The following CPOX variants were observed in gnomAD, a reference collection of about 807,000 sequenced individuals.
CPOX encodes the protein oxygen-dependent coproporphyrinogen-III oxidase, mitochondrial.
A neutral mutation model predicts 48.9 loss-of-function variants in CPOX; 24 were observed. That is an observed-to-expected ratio of 0.49 (90% CI 0.36 to 0.69). The LOEUF is 0.69. Ranked by LOEUF, CPOX falls within the 30% of genes least tolerant of loss-of-function variation. The probability of loss-of-function intolerance (pLI) is 0.00; values close to 1 mark genes in which losing one functional copy is unlikely to be tolerated. For synonymous variants in CPOX, 249 were observed against 234.6 expected, an observed-to-expected ratio of 1.06 and a Z score of -0.56; for missense variants, 549 against 597.3, an observed-to-expected ratio of 0.92 and a Z score of 0.84.
Position 98,585,676 on chromosome 3 carries a change from C to T in CPOX, c.954-17G>A, listed in dbSNP as rs551789535. On this transcript the variant is annotated splice_polypyrimidine_tract_variant and intron_variant, in intron 4 of 6. Coordinates refer to ENST00000647941, the MANE Select transcript of CPOX (RefSeq NM_000097.7). ...TCATCACACCTGGAAAACACAGCGG[C>T]GCCAAACCAGGGATCAAATGGAAAA... 1.3e-5 allele frequency: 21 copies of T among 1,595,098 alleles called. No homozygotes were observed. Among genetic ancestry groups the T allele is most frequent in the Middle Eastern group, 3.3e-4 (2 of 6,030 alleles).
rs1350444742 is a variant in CPOX at position 98,585,613 on chromosome 3, T to C, written c.1000A>G (p.Ile334Val). The change falls in exon 5 of 7, where the codon ATT (isoleucine) becomes GTT (valine). Residue 334 changes from isoleucine (I) to valine (V), a missense_variant. Transcript: ENST00000647941. ...FIAHRGERRG[I>V]GGIFFDDLDS... ...AGATCATCAAAAAAGATACCACCAA[T>C]GCCCCGCCGTTCTCCACGATGGGCT... 5 of 1,613,832 alleles carry C rather than the reference T, an allele frequency of 3.1e-6. No individual in the cohort carries two copies. Among genetic ancestry groups the C allele is most frequent in the Admixed American group, 1.7e-5 (1 of 59,984 alleles).
intron 1 of CPOX, among the ~76,000 whole-genome samples, chr3:98,591,836 G>A (rs190832723): frequency 1.3e-5 from 2 of 152,074 alleles, no homozygotes; most frequent in African/African-American, 2.4e-5. Flanking sequence ...TATTCCAAAT[G>A]AGAAAACTGA....
intron 1 of CPOX, among the ~76,000 whole-genome samples, chr3:98,591,374 T>C (rs965086306): frequency 6.6e-6 from 1 of 152,234 alleles, no homozygotes; most frequent in Admixed American, 6.5e-5. Context: ...AAACTGAATA[T>C]TTCTTCAACA....
At chr3:98,583,750 G>T (rs1036416251) in intron 5 of CPOX, among the ~76,000 whole-genome samples, 2 of 152,158 alleles carry the variant, frequency 1.3e-5, no homozygotes, top group Non-Finnish European at 2.9e-5. Context: ...TTTGGACAGG[G>T]TGAAGACGAG....
At chr3:98,570,978 T>C in the CPOX span, among the ~76,000 whole-genome samples, 2 of 152,380 alleles carry the variant, frequency 1.3e-5, no homozygotes, top group East Asian at 3.9e-4. Context: ...CTGCAGGTTA[T>C]TTTATCTTCA....
chr3:98,581,466 G>A lies in CPOX; in HGVS notation c.1218C>T (p.Gly406=). The part of the protein sequence containing the change: ...NLLYDRGTKF[G]LFTPGSRIES... Reference sequence around the variant, plus strand: ...CAATTCTGGATCCTGGAGTGAAGAGGCCAAACTTTGTGCCCCGATCATACA... The same window carrying A: ...CAATTCTGGATCCTGGAGTGAAGAGACCAAACTTTGTGCCCCGATCATACA... Residue 406 remains glycine (G), a synonymous_variant, in exon 6 of 7, where the codon GGC becomes GGT. Coordinates refer to ENST00000647941, the MANE Select transcript of CPOX (RefSeq NM_000097.7). 1 of 1,613,962 alleles carries A rather than the reference G, an allele frequency of 6.2e-7. No homozygotes were observed. The highest frequency in any genetic ancestry group is 8.5e-7 in the Non-Finnish European group (1 of 1,179,932).
At chr3:98,589,459 G>A (rs986909574) in intron 3 of CPOX, among the ~76,000 whole-genome samples, 4 of 152,046 alleles carry the variant, frequency 2.6e-5, no homozygotes, top group Non-Finnish European at 5.9e-5. Context: ...TTGCAACTCT[G>A]GCTGTATATA....
Position 98,593,081 on chromosome 3 carries a change from G to T in CPOX, c.424C>A (p.Arg142=). The change falls in exon 1 of 7, where the codon CGA becomes AGA. Residue 142 remains arginine, a synonymous_variant. Coordinates refer to ENST00000647941, the MANE Select transcript of CPOX (RefSeq NM_000097.7). ...GTCTTCATGTCGCCCGGCCTCCTTC[G>T]CAGCTCGCCCAGGTCGGTCACAGGC... ...APPVTDLGEL[R]RRPGDMKTKM... is the part of the protein sequence containing the mutation. 1 of 1,613,842 alleles carries T rather than the reference G, an allele frequency of 6.2e-7. No homozygotes were observed. Among genetic ancestry groups the T allele is most frequent in the Non-Finnish European group, 8.5e-7 (1 of 1,179,950 alleles).
At chr3:98,581,853 TA>T (rs1261136247) in intron 5 of CPOX, among the ~76,000 whole-genome samples, 1 of 152,242 alleles carries the variant, frequency 6.6e-6, no homozygotes, top group Admixed American at 6.5e-5. Flanking sequence ...CTTCTCAGGA[TA>T]ACCCAGCTCT....
In CPOX at chr3:98,593,422, G is replaced by A. The variant is rs1707527851; in HGVS notation, c.83C>T (p.Ser28Phe). ...RGGCGGPRAW[S>F]QCGGGGLRAW... is the part of the protein sequence containing the mutation. ...TCGGAGCCCTCCGCCGCCGCACTGG[G>A]ACCAGGCGCGGGGCCCTCCGCAGCC... The change falls in exon 1 of 7, where the codon TCC becomes TTC. Residue 28 changes from serine (S) to phenylalanine (F), a missense_variant. Coordinates refer to ENST00000647941, the MANE Select transcript of CPOX (RefSeq NM_000097.7). 1 of 1,466,878 alleles carries A rather than the reference G, an allele frequency of 6.8e-7. No homozygotes were observed. Among genetic ancestry groups the A allele is most frequent in the Non-Finnish European group, 9.0e-7 (1 of 1,116,386 alleles). 90.9% of individuals were successfully genotyped at this position (1,466,878 alleles called of 1,614,324 possible).
the CPOX span, among the ~76,000 whole-genome samples, chr3:98,573,019 C>A: frequency 8.5e-5 from 13 of 152,252 alleles, no homozygotes; most frequent in Admixed American, 7.8e-4. Context: ...TGTTTTCCTA[C>A]CTGTCTTCAC....
Position 98,593,565 on chromosome 3 carries a change from A to G in CPOX, c.-61T>C. 6.8e-7 allele frequency: 1 copy of G among 1,464,996 alleles called. No individual in the cohort carries two copies. The highest frequency in any genetic ancestry group is 2.1e-5 in the Admixed American group (1 of 46,750). The allele number at this position is 1,464,996 out of a possible 1,614,324, so 90.7% of individuals were successfully genotyped here. Reference sequence around the variant, plus strand: ...CCAGAGCCCTGCGTTTGAGCCCCCCACCCAGACCCCCGGAGTATTGAGCCG... The same window carrying G: ...CCAGAGCCCTGCGTTTGAGCCCCCCGCCCAGACCCCCGGAGTATTGAGCCG... On this transcript the variant is annotated 5_prime_UTR_variant, in exon 1 of 7. Coordinates refer to ENST00000647941, the MANE Select transcript of CPOX (RefSeq NM_000097.7).
In CPOX at chr3:98,580,167, T is replaced by G. The variant is rs1402867317; in HGVS notation, c.*516A>C. 2.5e-5 allele frequency: 25 copies of G among 983,858 alleles called. No homozygotes were observed. Among genetic ancestry groups the G allele is most frequent in the Non-Finnish European group, 3.0e-5 (25 of 828,132 alleles). 60.9% of individuals were successfully genotyped at this position (983,858 alleles called of 1,614,324 possible). On this transcript the variant is annotated 3_prime_UTR_variant, in exon 7 of 7. Coordinates refer to ENST00000647941, the MANE Select transcript of CPOX (RefSeq NM_000097.7). ...GTATCTATTTGACAATATTATGTTC[T>G]CTGGAGAAAGATATATAAGGATTAC...
chr3:98,582,137 AT>A (rs372210235), intron 5 of CPOX, among the ~76,000 whole-genome samples: 19 of 150,178 alleles, frequency 1.3e-4, no homozygotes, highest in Admixed American at 4.0e-4. Context: ...CAGTGTTTTC[AT>A]TTTTTTTTTA....
rs1239134864 is a variant in CPOX at position 98,585,541 on chromosome 3, C to G, written c.1072G>C (p.Ala358Pro). 1.9e-6 allele frequency: 3 copies of G among 1,613,942 alleles called. No homozygotes were observed. The African/African-American group carries it at 4.0e-5, about 22-fold the overall frequency. Reference sequence around the variant, plus strand: ...ATGTAAGAAGGAACTACAGCCCTGGCACAGCTCTGTACAAAGCGAAACACC... The same window carrying G: ...ATGTAAGAAGGAACTACAGCCCTGGGACAGCTCTGTACAAAGCGAAACACC... ...EEVFRFVQSC[A>P]RAVVPSYIPL... The change falls in exon 5 of 7, where the codon GCC becomes CCC. Residue 358 changes from alanine to proline, a missense_variant. Physicochemically the swap from Ala to Pro is conservative, Grantham distance 27 (BLOSUM62 -1). Coordinates refer to ENST00000647941, the MANE Select transcript of CPOX (RefSeq NM_000097.7).
At position 98,593,007 on chromosome 3, in the gene CPOX, A is replaced by G. The variant is rs1427794374; in HGVS notation, c.498T>C (p.Ala166=). Residue 166 remains alanine, a synonymous_variant, in exon 1 of 7, where the codon GCT becomes GCC. Transcript: ENST00000647941. ...TGGCGCCCCCGTCTACCTGTGCCAG[A>G]GCCTGGCACACCTGGGCCTGGGTCT... ...ILETQAQVCQ[A]LAQVDGGANF... is the part of the protein sequence containing the mutation. 6.2e-7 allele frequency: 1 copy of G among 1,613,770 alleles called. No individual in the cohort carries two copies. Among genetic ancestry groups the G allele is most frequent in the Non-Finnish European group, 8.5e-7 (1 of 1,179,930 alleles).
chr3:98,592,890 A>G (rs1397543295), intron 1 of CPOX, 59 bp downstream of exon 1: 1 of 1,546,690 alleles, frequency 6.5e-7, no homozygotes, highest in Non-Finnish European at 8.8e-7. Context: ...TCTGTCTGCA[A>G]CCTGGAACCT....
In CPOX at chr3:98,579,638, A is replaced by C. The variant is rs1707213884; in HGVS notation, c.*1045T>G. On this transcript the variant is annotated 3_prime_UTR_variant, in exon 7 of 7. Transcript: ENST00000647941. The stretch of plus-strand genomic sequence containing the variant: ...AAATAAAATAATACATTCATAATAT[A>C]TGAACAAAGAAATCATACATTAAGA... 1 of 984,134 alleles carries C rather than the reference A, an allele frequency of 1.0e-6. No homozygotes were observed. The highest frequency in any genetic ancestry group is 1.2e-6 in the Non-Finnish European group (1 of 828,836). The allele number at this position is 984,134 out of a possible 1,614,324, so 61.0% of individuals were successfully genotyped here. A position where few individuals can be genotyped will look rare whatever the true frequency, so the allele number is the denominator to read the frequency against.
intron 3 of CPOX, 60 bp from the exon 4 acceptor site, chr3:98,588,914 T>A: frequency 1.9e-6 from 3 of 1,568,700 alleles, no homozygotes; most frequent in Non-Finnish European, 2.6e-6. Context: ...TTACTGGCTA[T>A]ATTAGGACAC....
Sources: gnomAD v4.1 joint callset for allele counts (sites outside exome capture counted in the v4.1 genomes callset) on GRCh38, gnomAD v4.1.1 for gene constraint, MANE v1.5 for transcripts, NCBI Gene and HGNC (gene_info 2026-07-23, HGNC 2026-07-21) for gene names.